CFAP299: variants seen among roughly 807,000 people sequenced by gnomAD.
CFAP299 encodes the protein cilia- and flagella-associated protein 299.
A neutral mutation model predicts 27.0 loss-of-function variants in CFAP299; 21 were observed. The ratio of observed to expected loss-of-function variants is 0.78; its 90% CI spans 0.55 to 1.12. The LOEUF (loss-of-function observed/expected upper bound fraction) is 1.12, where lower values mean the gene tolerates loss of function less well. Among genes scored for constraint, CFAP299 ranks in the 50% most tolerant of loss-of-function variants. The pLI is 0.00. For missense variants in CFAP299, 310 were observed against 276.6 expected (o/e 1.12, Z -0.86); for synonymous variants, 104 against 98.1 (o/e 1.06, Z -0.36).
chr4:80,695,323 T>C (rs1480629226), intron 3 of CFAP299, among the ~76,000 whole-genome samples: 1 of 152,216 alleles, frequency 6.6e-6, no homozygotes, highest in Non-Finnish European at 1.5e-5. Context: ...GCTAAAGCCT[T>C]ATTGCTTAAT....
intron 3 of CFAP299, among the ~76,000 whole-genome samples, chr4:80,681,186 A>G (rs1328489123): frequency 6.6e-6 from 1 of 152,160 alleles, no homozygotes; most frequent in Non-Finnish European, 1.5e-5. Flanking sequence ...AATCCTTGTA[A>G]CTGTTATTGT....
At chr4:80,402,510 C>T (rs953141472) in intron 2 of CFAP299, among the ~76,000 whole-genome samples, 2 of 152,170 alleles carry the variant, frequency 1.3e-5, no homozygotes, top group African/African-American at 2.4e-5. Flanking sequence ...GCATGCCTTT[C>T]GTCTCCCACC....
intron 3 of CFAP299, among the ~76,000 whole-genome samples, chr4:80,785,840 C>A (rs1727218322): frequency 6.6e-6 from 1 of 151,984 alleles, no homozygotes; most frequent in Non-Finnish European, 1.5e-5. Flanking sequence ...TTGAAAGAGT[C>A]TATAAGTGGT....
Position 80,535,043 on chromosome 4 carries a change from T to A in CFAP299, c.243-48050T>A, listed in dbSNP as rs573487115. On this transcript the variant is annotated intron_variant, in intron 2 of 5. Coordinates refer to ENST00000358105, the MANE Select transcript of CFAP299 (RefSeq NM_152770.3). ...AGAGAACTGTCATTTCACCCTTGTA[T>A]GACAGAGAGGAGAGACTCGGAGTTT... 4.5e-4 allele frequency among the ~76,000 whole-genome samples: 69 copies of A among 152,266 alleles called. No homozygotes were observed. The South Asian group carries it at 0.014, about 31-fold the overall frequency.
intron 2 of CFAP299, among the ~76,000 whole-genome samples, chr4:80,383,280 C>T (rs1724804866): frequency 6.6e-6 from 1 of 151,722 alleles, no homozygotes; most frequent in African/African-American, 2.4e-5. Context: ...TATATCAGAC[C>T]CCTGTGACAT....
At chr4:80,429,361 A>G (rs1047991890) in intron 2 of CFAP299, among the ~76,000 whole-genome samples, 2 of 152,208 alleles carry the variant, frequency 1.3e-5, no homozygotes, top group African/African-American at 2.4e-5. Context: ...ATTTTAAACA[A>G]TTATAAAATT....
chr4:80,790,739 A>G (rs188626042), intron 3 of CFAP299, among the ~76,000 whole-genome samples: 2 of 152,176 alleles, frequency 1.3e-5, no homozygotes, highest in East Asian at 1.9e-4. Context: ...ATGGTGCTCT[A>G]TTATAGCAGC....
chr4:80,657,697 T>C (rs555938077), intron 3 of CFAP299, among the ~76,000 whole-genome samples: 1 of 152,286 alleles, frequency 6.6e-6, no homozygotes, highest in South Asian at 2.1e-4. Context: ...CTTAGGATTG[T>C]CTTTGCTAGA....
intron 3 of CFAP299, among the ~76,000 whole-genome samples, chr4:80,863,179 C>G (rs1344142980): frequency 6.7e-6 from 1 of 150,238 alleles, no homozygotes; most frequent in African/African-American, 2.5e-5. Flanking sequence ...AGTTTCAGTA[C>G]AGCAACATAC....
intron 4 of CFAP299, among the ~76,000 whole-genome samples, chr4:80,914,987 T>A (rs933182286): frequency 2.6e-5 from 4 of 152,038 alleles, no homozygotes; most frequent in Non-Finnish European, 4.4e-5. Context: ...ATGTTTATTA[T>A]TTTATTTTTT....
chr4:80,716,970 T>C (rs1274085623), intron 3 of CFAP299, among the ~76,000 whole-genome samples: 1 of 152,124 alleles, frequency 6.6e-6, no homozygotes, highest in African/African-American at 2.4e-5. Flanking sequence ...GAGATGTCTC[T>C]GGCCCTAAAT....
intron 3 of CFAP299, among the ~76,000 whole-genome samples, chr4:80,791,794 A>T (rs1004345250): frequency 6.6e-6 from 1 of 151,936 alleles, no homozygotes; most frequent in Admixed American, 6.6e-5. Context: ...TCTCATTGAA[A>T]AGGGAAGTTG....
At chr4:80,921,327 A>T (rs768316879) in intron 4 of CFAP299, among the ~76,000 whole-genome samples, 15 of 152,118 alleles carry the variant, frequency 9.9e-5, no homozygotes, top group Non-Finnish European at 1.9e-4. Flanking sequence ...AGATATGTTC[A>T]GTGTGTTTTT....
At position 80,529,268 on chromosome 4, in the gene CFAP299, TC is replaced by T. The variant is rs1355088614; in HGVS notation, c.243-53823del. Among the ~76,000 whole-genome samples the T allele has an allele frequency of 3.3e-5, 5 of 152,148 alleles. No homozygotes were observed. The East Asian group carries it at 9.6e-4, about 29-fold the overall frequency. On this transcript the variant is annotated intron_variant, in intron 2 of 5. Transcript: ENST00000358105. ...CTCTGCCTCATAGGCTCTCTTCCAA[TC>T]CTTTCCTGGCAATAAATATGACTTA... is the stretch of plus-strand genomic sequence containing the variant.
intron 1 of CFAP299, among the ~76,000 whole-genome samples, chr4:80,351,084 T>A (rs1722993183): frequency 6.6e-6 from 1 of 152,196 alleles, no homozygotes; most frequent in Admixed American, 6.5e-5. Context: ...TAATTTATTT[T>A]CCAGCCAGGA....
intron 3 of CFAP299, among the ~76,000 whole-genome samples, chr4:80,824,787 C>G (rs1729894069): frequency 6.6e-6 from 1 of 151,696 alleles, no homozygotes; most frequent in Admixed American, 6.6e-5. Context: ...AAAACAAAAC[C>G]CCTGGGAAAG....
At chr4:80,650,712 C>G (rs1418866087) in intron 3 of CFAP299, among the ~76,000 whole-genome samples, 4 of 152,110 alleles carry the variant, frequency 2.6e-5, no homozygotes, top group East Asian at 1.9e-4. Flanking sequence ...ATGCTGCTTT[C>G]TCTTAACTTC....
At chr4:80,901,387 G>A (rs1734886651) in intron 4 of CFAP299, among the ~76,000 whole-genome samples, 1 of 152,148 alleles carries the variant, frequency 6.6e-6, no homozygotes, top group Non-Finnish European at 1.5e-5. Flanking sequence ...GATCATCCAA[G>A]AAGCAGTGTA....
intron 3 of CFAP299, among the ~76,000 whole-genome samples, chr4:80,691,802 C>T (rs1337862289): frequency 3.3e-5 from 5 of 152,222 alleles, no homozygotes; most frequent in Admixed American, 2.6e-4. Context: ...ACCCCATTGT[C>T]TCAGCCCAAA....
Sources: allele counts gnomAD v4.1 joint callset (sites outside exome capture counted in the v4.1 genomes callset), GRCh38; gene constraint gnomAD v4.1.1; transcripts MANE v1.5; gene names NCBI Gene and HGNC (gene_info 2026-07-23, HGNC 2026-07-21).